The following DLEC1 variants were observed in gnomAD, a reference collection of about 807,000 sequenced individuals.
DLEC1 encodes DLEC1 cilia and flagella associated protein.
A neutral mutation model predicts 198.1 loss-of-function variants in DLEC1; 146 were observed. That is an observed-to-expected ratio of 0.74 (90% CI 0.64 to 0.85). DLEC1 has a LOEUF of 0.85. Ranked by LOEUF, DLEC1 falls within the 40% of genes least tolerant of loss-of-function variation. The pLI is 0.00. For synonymous variants in DLEC1, 897 were observed against 866.8 expected, an observed-to-expected ratio of 1.03 and a Z score of -0.61; for missense variants, 2,233 against 2,220.0, an observed-to-expected ratio of 1.01 and a Z score of -0.12.
At chr3:38,091,545 A>G (rs189090139) in intron 10 of DLEC1, among the ~76,000 whole-genome samples, 13 of 152,330 alleles carry the variant, frequency 8.5e-5, no homozygotes, top group Admixed American at 3.9e-4. Context: ...AAAAGCTTCT[A>G]CACAGCAAAG....
At chr3:38,114,272 A>T in intron 25 of DLEC1, 70 bp from the exon 26 acceptor site, 1 of 1,470,112 alleles carries the variant, frequency 6.8e-7, no homozygotes, top group Non-Finnish European at 9.5e-7. Context: ...GGACAAGTGG[A>T]GGCCTTGCCC....
At chr3:38,111,162 T>G (rs1699857349) in intron 23 of DLEC1, among the ~76,000 whole-genome samples, 2 of 152,160 alleles carry the variant, frequency 1.3e-5, no homozygotes, top group Admixed American at 1.3e-4. Flanking sequence ...CACCACCTAA[T>G]CTAGTGAAGC....
rs1423338188 is a variant in DLEC1 at position 38,084,200 on chromosome 3, C to T, written c.1216C>T (p.Leu406=). The T allele has an allele frequency of 1.2e-6, 2 of 1,613,158 alleles. No individual in the cohort carries two copies. Among genetic ancestry groups the T allele is most frequent in the East Asian group, 2.2e-5 (1 of 44,866 alleles). The change falls in exon 7 of 37, where the codon CTG becomes TTG. Residue 406 remains leucine, a synonymous_variant. Transcript: ENST00000308059. The stretch of plus-strand genomic sequence containing the variant: ...GAACACCACCACGACCAGCCGCTAC[C>T]TGCGAGTCCTCCCGCCTTCCACGCC... ...LQNTTTTSRY[L]RVLPPSTPYF...
intron 6 of DLEC1, among the ~76,000 whole-genome samples, chr3:38,064,215 T>G (rs1401230368): frequency 6.6e-6 from 1 of 152,018 alleles, no homozygotes; most frequent in Non-Finnish European, 1.5e-5. Flanking sequence ...TGATGACTCT[T>G]AACGAGCATG....
intron 6 of DLEC1, among the ~76,000 whole-genome samples, chr3:38,068,526 G>A (rs1465972396): frequency 6.6e-6 from 1 of 152,238 alleles, no homozygotes; most frequent in Non-Finnish European, 1.5e-5. Context: ...CCAGTGTCCA[G>A]CCTAGACTTC....
At chr3:38,090,423 G>A (rs774307555) in intron 10 of DLEC1, among the ~76,000 whole-genome samples, 13 of 152,114 alleles carry the variant, frequency 8.5e-5, no homozygotes, top group Admixed American at 1.3e-4. Context: ...TTTGCCTTGT[G>A]TTTTCTACTT....
At chr3:38,095,431 G>C (rs372978244) in intron 13 of DLEC1, 1 of 320,890 alleles carries the variant, frequency 3.1e-6, no homozygotes, top group South Asian at 4.4e-5. Context: ...TTAGCACAGC[G>C]CTGGCCCCAG....
intron 5 of DLEC1, among the ~76,000 whole-genome samples, chr3:38,063,212 A>G (rs1484202825): frequency 1.3e-5 from 2 of 152,268 alleles, no homozygotes; most frequent in East Asian, 3.8e-4. Flanking sequence ...TATGAAAGTA[A>G]TGAGTTGCTT....
intron 34 of DLEC1, among the ~76,000 whole-genome samples, chr3:38,121,415 G>C (rs1246221064): frequency 6.6e-6 from 1 of 152,226 alleles, no homozygotes; most frequent in East Asian, 1.9e-4. Context: ...GGGACAGCGG[G>C]GGAATGGATG....
rs546887529 is a variant in DLEC1, at chr3:38,044,878, G to A, written c.412-665G>A. On this transcript the variant is annotated intron_variant, in intron 1 of 36. Transcript: ENST00000308059. Reference sequence around the variant, plus strand: ...AGTGGACTCTCTGGGCGCAAGTACTGTGACAGAGTTTGGGCTACAGGTGTT... The same window carrying A: ...AGTGGACTCTCTGGGCGCAAGTACTATGACAGAGTTTGGGCTACAGGTGTT... Among the ~76,000 whole-genome samples the A allele has an allele frequency of 5.3e-5, 8 of 152,336 alleles. No individual in the cohort carries two copies. The South Asian group carries it at 1.2e-3, about 24-fold the overall frequency.
chr3:38,075,634 G>C (rs1380065084), intron 6 of DLEC1, among the ~76,000 whole-genome samples: 1 of 152,004 alleles, frequency 6.6e-6, no homozygotes, highest in Non-Finnish European at 1.5e-5. Context: ...TAAGGGGTTG[G>C]GGCACAGAGA....
chr3:38,101,331 T>C (rs1043229719), intron 19 of DLEC1, among the ~76,000 whole-genome samples: 1 of 152,176 alleles, frequency 6.6e-6, no homozygotes, highest in Non-Finnish European at 1.5e-5. Flanking sequence ...GGTGCTCGCC[T>C]GTAGTCCCAG....
intron 6 of DLEC1, among the ~76,000 whole-genome samples, chr3:38,082,355 G>T (rs1180540230): frequency 6.8e-6 from 1 of 147,968 alleles, no homozygotes; most frequent in East Asian, 2.1e-4. Context: ...CAGACGATGG[G>T]CGGCCAGGCA....
chr3:38,096,036 G>A (rs1219295969), intron 14 of DLEC1, 90 bp downstream of exon 14: 2 of 1,504,734 alleles, frequency 1.3e-6, no homozygotes, highest in Non-Finnish European at 1.8e-6. Flanking sequence ...AGGTGAGGGG[G>A]AGTGGGCAGC....
chr3:38,097,667 G>T, intron 17 of DLEC1, 30 bp downstream of exon 17: 1 of 1,614,086 alleles, frequency 6.2e-7, no homozygotes, highest in Non-Finnish European at 8.5e-7. Flanking sequence ...GCAGTGGGGT[G>T]GGCCCAGAGA....
At chr3:38,089,337 G>T (rs767511203) in intron 10 of DLEC1, among the ~76,000 whole-genome samples, 3 of 152,216 alleles carry the variant, frequency 2.0e-5, no homozygotes, top group Non-Finnish European at 4.4e-5. Context: ...GGGAATGCTG[G>T]TGTGCAGCCA....
At chr3:38,073,995 G>T (rs760118445) in intron 6 of DLEC1, among the ~76,000 whole-genome samples, 6 of 152,218 alleles carry the variant, frequency 3.9e-5, no homozygotes, top group Non-Finnish European at 8.8e-5. Flanking sequence ...AGGGGCTCTA[G>T]GAGTGGCTGC....
rs747997784 is a variant in DLEC1, at chr3:38,062,361, C to T, written c.866C>T (p.Pro289Leu). The change falls in exon 4 of 37, where the codon CCT (proline) becomes CTT (leucine). Residue 289 changes from proline (P) to leucine (L), a missense_variant. Transcript: ENST00000308059. Reference sequence around the variant, plus strand: ...AAGGCCAAAGAAAGGACCAGAGAACCTCTCAAGGTCAGTTTGGAAGGCTGT... The same window carrying T: ...AAGGCCAAAGAAAGGACCAGAGAACTTCTCAAGGTCAGTTTGGAAGGCTGT... ...TPKAKERTRE[P>L]LKKASQPRNK... The T allele has an allele frequency of 1.2e-6, 2 of 1,614,054 alleles. No homozygotes were observed. Among genetic ancestry groups the T allele is most frequent in the Non-Finnish European group, 1.7e-6 (2 of 1,180,044 alleles).
chr3:38,041,006 A>G (rs1304761798), intron 1 of DLEC1, among the ~76,000 whole-genome samples: 3 of 151,120 alleles, frequency 2.0e-5, no homozygotes, highest in Non-Finnish European at 4.4e-5. Flanking sequence ...TGCCCAGCTT[A>G]TTTATTTATT....
Sources: allele counts gnomAD v4.1 joint callset (sites outside exome capture counted in the v4.1 genomes callset), GRCh38; gene constraint gnomAD v4.1.1; transcripts MANE v1.5; gene names NCBI Gene and HGNC (gene_info 2026-07-23, HGNC 2026-07-21).